Variants in SYNE1 observed in about 807,000 individuals in gnomAD.
SYNE1 encodes spectrin repeat containing nuclear envelope protein 1.
In SYNE1, 616 loss-of-function variants were observed where a neutral mutation model predicts 1,111.0. The observed-to-expected ratio is 0.55, with a 90% CI of 0.52 to 0.59. The LOEUF is 0.59. Among genes scored for constraint, SYNE1 ranks in the 20% least tolerant of loss-of-function variants. The pLI, the probability that SYNE1 is intolerant of heterozygous loss-of-function variation, is 0.00. For missense variants in SYNE1, 10,006 were observed against 10,417.0 expected (o/e 0.96, Z 1.72); for synonymous variants, 3,855 against 3,825.8 (o/e 1.01, Z -0.28).
chr6:152,570,143 GATC>G (rs1326355248), intron 3 of SYNE1, among the ~76,000 whole-genome samples: 2 of 152,152 alleles, frequency 1.3e-5, no homozygotes, highest in Admixed American at 6.5e-5. Flanking sequence ...TAACTAAATA[GATC>G]ATTATGAAAT....
rs969393253 is a variant in SYNE1, at chr6:152,294,821, T to C, written c.17683-694A>G. 2.0e-5 allele frequency among the ~76,000 whole-genome samples: 3 copies of C among 152,158 alleles called. No individual in the cohort carries two copies. The East Asian group carries it at 5.8e-4, about 29-fold the overall frequency. ...TTATTTGTACTGATAAAATTTACTATATCAAGAGATATAGTAAAGATATAT... is the reference window on the plus strand; with the variant it reads ...TTATTTGTACTGATAAAATTTACTACATCAAGAGATATAGTAAAGATATAT... On this transcript the variant is annotated intron_variant, in intron 93 of 145. Transcript: ENST00000367255.
In SYNE1 at chr6:152,326,637, A is replaced by G. The variant is rs2096072446; in HGVS notation, c.14956-4T>C. On this transcript the variant is annotated splice_region_variant and splice_polypyrimidine_tract_variant and intron_variant, in intron 78 of 145. Coordinates refer to ENST00000367255, the MANE Select transcript of SYNE1 (RefSeq NM_182961.4). ...TATATATTTCAGTCAAGGTAGCCTG[A>G]AAAACAGCAATTGCAAACATAATCA... is the stretch of plus-strand genomic sequence containing the variant. 1.2e-6 allele frequency: 2 copies of G among 1,612,404 alleles called. No homozygotes were observed. The highest frequency in any genetic ancestry group is 4.5e-5 in the East Asian group (2 of 44,876).
In SYNE1 at chr6:152,447,341, T is replaced by G. The variant is rs6904602; in HGVS notation, c.3669+117A>C. On this transcript the variant is annotated intron_variant, in intron 29 of 145. Coordinates refer to ENST00000367255, the MANE Select transcript of SYNE1 (RefSeq NM_182961.4). ...CATACAAAAAAAGCATAACAACAATTCTGTTTCAACTATGGTTTCTTTATA... is the reference window on the plus strand; with the variant it reads ...CATACAAAAAAAGCATAACAACAATGCTGTTTCAACTATGGTTTCTTTATA... 0.013 allele frequency: 14,788 copies of G among 1,172,626 alleles called. 1,398 individuals are homozygous for G. In the African/African-American group the frequency reaches 0.2, roughly 16 times the overall value. 72.6% of individuals were successfully genotyped at this position (1,172,626 alleles called of 1,614,324 possible). A position where few individuals can be genotyped will look rare whatever the true frequency, so the allele number is the denominator to read the frequency against.
At chr6:152,463,316 A>T in intron 19 of SYNE1, 37 bp downstream of exon 19, 1 of 1,613,298 alleles carries the variant, frequency 6.2e-7, no homozygotes. Flanking sequence ...TTTGTAACAC[A>T]TACACGTTGA....
intron 128 of SYNE1, among the ~76,000 whole-genome samples, chr6:152,188,580 T>C (rs1361823416): frequency 6.6e-6 from 1 of 152,112 alleles, no homozygotes; most frequent in African/African-American, 2.4e-5. Flanking sequence ...ATGTTGCAAA[T>C]ACAACAGTAG....
At position 152,206,482 on chromosome 6, in the gene SYNE1, G is replaced by C. The variant is rs1033137842; in HGVS notation, c.22825-120C>G. 12 of 1,079,420 alleles carry C rather than the reference G, an allele frequency of 1.1e-5. No individual in the cohort carries two copies. The African/African-American group carries it at 1.7e-4, about 16-fold the overall frequency. 66.9% of individuals were successfully genotyped at this position (1,079,420 alleles called of 1,614,324 possible). ...CATCCAGCAAGCATTTACCGTAGTG[G>C]TGCTTTGCACATGCATGCACCAGTG... On this transcript the variant is annotated intron_variant, in intron 125 of 145. Transcript: ENST00000367255.
At chr6:152,234,369 G>A (rs1447335703) in intron 111 of SYNE1, among the ~76,000 whole-genome samples, 1 of 151,908 alleles carries the variant, frequency 6.6e-6, no homozygotes, top group Non-Finnish European at 1.5e-5. Flanking sequence ...ATCTCAGCTC[G>A]CTGCAATCTC....
intron 14 of SYNE1, among the ~76,000 whole-genome samples, chr6:152,477,440 T>C (rs893503542): frequency 1.3e-5 from 2 of 152,050 alleles, no homozygotes; most frequent in Non-Finnish European, 2.9e-5. Flanking sequence ...TAAGAGGATG[T>C]TTCAGACTGA....
chr6:152,441,977 G>C (rs2098534597), intron 31 of SYNE1, 98 bp downstream of exon 31: 1 of 1,387,900 alleles, frequency 7.2e-7, no homozygotes, highest in Non-Finnish European at 1.0e-6. Flanking sequence ...TGAAACATCA[G>C]AGGCGGTAAC....
intron 98 of SYNE1, among the ~76,000 whole-genome samples, chr6:152,276,030 CTTTTTTT>C (rs749642435): frequency 1.2e-5 from 1 of 84,016 alleles, no homozygotes; most frequent in Admixed American, 1.5e-4. Context: ...TTCTCGACTT[CTTTTTTT>C]TTTTTTTTTT....
rs2098669651 is a variant in SYNE1 at position 152,453,608 on chromosome 6, C to T, written c.3005G>A (p.Arg1002Gln). Reference protein sequence around the residue: ...QEQQGLQEAVRKLHKQWKDLQ... With the variant: ...QEQQGLQEAVQKLHKQWKDLQ... ...CACCTTCCATTGTTTGTGGAGCTTT[C>T]GAACAGCTTCCTGCAGCCCCTGCTG... Residue 1002 changes from arginine to glutamine, a missense_variant, in exon 25 of 146, where the codon CGA (arginine) becomes CAA (glutamine). Coordinates refer to ENST00000367255, the MANE Select transcript of SYNE1 (RefSeq NM_182961.4). The T allele has an allele frequency of 5.0e-6, 8 of 1,614,066 alleles. No individual in the cohort carries two copies. Among genetic ancestry groups the T allele is most frequent in the African/African-American group, 2.7e-5 (2 of 74,920 alleles).
chr6:152,233,833 T>A lies in SYNE1; in HGVS notation c.20660A>T (p.Gln6887Leu). 4 of 1,614,228 alleles carry A rather than the reference T, an allele frequency of 2.5e-6. No individual in the cohort carries two copies. Among genetic ancestry groups the A allele is most frequent in the Non-Finnish European group, 3.4e-6 (4 of 1,180,044 alleles). ...LRSELSRIDS[Q>L]WTDLLTNIPA... ...GATATTGGTTAGCAGGTCAGTCCAC[T>A]GGCTATCAATGCGCGACAGCTCAGA... is the stretch of plus-strand genomic sequence containing the variant. Residue 6887 changes from glutamine to leucine, a missense_variant, in exon 112 of 146, where the codon CAG (glutamine) becomes CTG (leucine). By Grantham distance (113) the Gln-to-Leu change is moderately radical. Coordinates refer to ENST00000367255, the MANE Select transcript of SYNE1 (RefSeq NM_182961.4).
At chr6:152,399,931 A>G in intron 47 of SYNE1, 108 bp from the exon 48 acceptor site, 1 of 1,224,462 alleles carries the variant, frequency 8.2e-7, no homozygotes, top group Non-Finnish European at 1.2e-6. Flanking sequence ...TGTTGAATCC[A>G]CTCCATGGTG....
intron 74 of SYNE1, among the ~76,000 whole-genome samples, chr6:152,340,613 C>A (rs143282185): frequency 6.6e-6 from 1 of 152,164 alleles, no homozygotes; most frequent in African/African-American, 2.4e-5. Flanking sequence ...TGAACCACTG[C>A]GCTAGTCCCA....
chr6:152,516,949 A>C (rs1197368758), intron 6 of SYNE1, among the ~76,000 whole-genome samples: 1 of 152,222 alleles, frequency 6.6e-6, no homozygotes, highest in Non-Finnish European at 1.5e-5. Context: ...AAATTAATGA[A>C]GGGTGAGCAG....
chr6:152,325,904 G>C, intron 80 of SYNE1, 54 bp downstream of exon 80: 1 of 1,597,978 alleles, frequency 6.3e-7, no homozygotes, highest in Non-Finnish European at 8.6e-7. Flanking sequence ...ATGTTGCAAA[G>C]ACTCATTATA....
rs766768576 is a variant in SYNE1 at position 152,208,129 on chromosome 6, C to T, written c.22667G>A (p.Gly7556Glu). ...CTGGCGAATCTGGCTGTCAATGATCCCCCGCCTCTGCTGGGCCCTGCGAAT... is the reference window on the plus strand; with the variant it reads ...CTGGCGAATCTGGCTGTCAATGATCTCCCGCCTCTGCTGGGCCCTGCGAAT... ...GVIRRAQQRR[G>E]IIDSQIRQWQ... is the part of the protein sequence containing the mutation. Residue 7556 changes from glycine (G) to glutamate (E), a missense_variant, in exon 125 of 146, where the codon GGG becomes GAG. Physicochemically the swap from Gly to Glu is moderately conservative, Grantham distance 98. This residue lies in a region of SYNE1 where 2,182 missense variants were observed against 2,287.8 expected (regional missense o/e 0.95). Coordinates refer to ENST00000367255, the MANE Select transcript of SYNE1 (RefSeq NM_182961.4). 2 of 1,614,086 alleles carry T rather than the reference C, an allele frequency of 1.2e-6. No homozygotes were observed. The highest frequency in any genetic ancestry group is 1.7e-6 in the Non-Finnish European group (2 of 1,180,004).
Position 152,391,588 on chromosome 6 carries a change from A to G in SYNE1, c.7713-20T>C, listed in dbSNP as rs2097635087. 3 of 1,558,196 alleles carry G rather than the reference A, an allele frequency of 1.9e-6. No homozygotes were observed. Among genetic ancestry groups the G allele is most frequent in the Non-Finnish European group, 2.6e-6 (3 of 1,161,348 alleles). On this transcript the variant is annotated intron_variant, in intron 51 of 145. Transcript: ENST00000367255. Reference sequence around the variant, plus strand: ...GACTCTCTGAAAAAAAGGAAAAAAAAAAAAAAGAAAAAAAATTAATTCTGA... The same window carrying G: ...GACTCTCTGAAAAAAAGGAAAAAAAGAAAAAAGAAAAAAAATTAATTCTGA...
At chr6:152,614,412 G>A (rs1191264653) in intron 3 of SYNE1, among the ~76,000 whole-genome samples, 3 of 152,288 alleles carry the variant, frequency 2.0e-5, no homozygotes, top group Non-Finnish European at 2.9e-5. Flanking sequence ...TCAGAAAAAT[G>A]CAAATAAAAA....
Sources: allele counts gnomAD v4.1 joint callset (sites outside exome capture counted in the v4.1 genomes callset), GRCh38; gene constraint gnomAD v4.1.1; regional missense constraint gnomAD v4.1.1; transcripts MANE v1.5; gene names NCBI Gene and HGNC (gene_info 2026-07-23, HGNC 2026-07-21).